Variants in SLC35F3 observed in about 807,000 individuals in gnomAD.
SLC35F3 encodes putative thiamine transporter SLC35F3.
In SLC35F3, 25 loss-of-function variants were observed where a neutral mutation model predicts 49.9. The ratio of observed to expected loss-of-function variants is 0.50; its 90% CI spans 0.37 to 0.70. The LOEUF (loss-of-function observed/expected upper bound fraction) is 0.70, where lower values mean the gene tolerates loss of function less well. Among genes scored for constraint, SLC35F3 ranks in the 30% least tolerant of loss-of-function variants. The probability of loss-of-function intolerance (pLI) is 0.00; values close to 1 mark genes in which losing one functional copy is unlikely to be tolerated. For missense variants in SLC35F3, 525 were observed against 639.8 expected (o/e 0.82, Z 1.94); for synonymous variants, 275 against 265.4 (o/e 1.04, Z -0.35).
chr1:233,936,692 C>T (rs997728035), intron 2 of SLC35F3, among the ~76,000 whole-genome samples: 27 of 151,708 alleles, frequency 1.8e-4, no homozygotes, highest in African/African-American at 6.5e-4. Flanking sequence ...ATCTCCTTCT[C>T]CTTCTTCTTT....
At chr1:234,014,842 G>C (rs776250541) in intron 2 of SLC35F3, among the ~76,000 whole-genome samples, 1 of 152,122 alleles carries the variant, frequency 6.6e-6, no homozygotes, top group Non-Finnish European at 1.5e-5. Context: ...CAAGTAAATG[G>C]AAAGGTATTC....
chr1:234,316,497 C>T, intron 4 of SLC35F3, 105 bp from the exon 5 acceptor site: 1 of 1,408,776 alleles, frequency 7.1e-7, no homozygotes, highest in Non-Finnish European at 9.5e-7. Flanking sequence ...CCACTTTCCC[C>T]TCACGTGGCT....
At chr1:234,108,764 T>TATATATCTTTTATATATAAAAG (rs1558231872) in intron 2 of SLC35F3, among the ~76,000 whole-genome samples, 5 of 74,946 alleles carry the variant, frequency 6.7e-5, no homozygotes, top group Non-Finnish European at 1.7e-4. Flanking sequence ...TATATATAAA[T>TATATATCTTTTATATATAAAAG]ATATATATCT....
intron 2 of SLC35F3, among the ~76,000 whole-genome samples, chr1:233,964,274 A>G (rs529859486): frequency 6.6e-6 from 1 of 152,164 alleles, no homozygotes; most frequent in Non-Finnish European, 1.5e-5. Context: ...AGAGGGGTAG[A>G]TGTGAGGCGT....
At chr1:234,102,106 C>A (rs1346474408) in intron 2 of SLC35F3, among the ~76,000 whole-genome samples, 1 of 152,216 alleles carries the variant, frequency 6.6e-6, no homozygotes, top group African/African-American at 2.4e-5. Flanking sequence ...AGTATCACTA[C>A]CCATGGTCAC....
chr1:234,243,856 T>C (rs1438419938), intron 3 of SLC35F3, among the ~76,000 whole-genome samples: 2 of 152,182 alleles, frequency 1.3e-5, no homozygotes, highest in Non-Finnish European at 2.9e-5. Context: ...GCTAAGTGAC[T>C]TCCCTCCAAA....
rs573301230 is a variant in SLC35F3 at position 234,181,352 on chromosome 1, A to G, written c.284-50065A>G. 1.6e-3 allele frequency among the ~76,000 whole-genome samples: 249 copies of G among 151,246 alleles called. 4 individuals are homozygous for G. The highest frequency in any genetic ancestry group is 1.5e-3 in the South Asian group (7 of 4,804). ...CTCTGTCTCAAGAAAAAAAAAAAAAAAAAGAAAGAAAGAAAAAGAAAAGAA... is the reference window on the plus strand; with the variant it reads ...CTCTGTCTCAAGAAAAAAAAAAAAAGAAAGAAAGAAAGAAAAAGAAAAGAA... On this transcript the variant is annotated intron_variant, in intron 2 of 7. Coordinates refer to ENST00000366618, the MANE Select transcript of SLC35F3 (RefSeq NM_173508.4).
chr1:233,940,395 GAT>G (rs374700551), intron 2 of SLC35F3, among the ~76,000 whole-genome samples: 3 of 140,592 alleles, frequency 2.1e-5, no homozygotes, highest in Non-Finnish European at 4.7e-5. Flanking sequence ...GAGAGAGAGA[GAT>G]AGGAATAAAA....
chr1:234,209,044 C>T (rs1667014304), intron 2 of SLC35F3, among the ~76,000 whole-genome samples: 1 of 152,136 alleles, frequency 6.6e-6, no homozygotes, highest in African/African-American at 2.4e-5. Context: ...TTCCTTTTCC[C>T]AGCTCCTGTA....
chr1:234,227,392 C>CTTTTTTTTTTTTTTT (rs369277069), intron 2 of SLC35F3, among the ~76,000 whole-genome samples: 1 of 108,668 alleles, frequency 9.2e-6, no homozygotes, highest in Non-Finnish European at 2.0e-5. Context: ...CTCTTTCTTT[C>CTTTTTTTTTTTTTTT]TTTTTTTTTT....
intron 2 of SLC35F3, among the ~76,000 whole-genome samples, chr1:234,197,108 A>G (rs1666825772): frequency 6.6e-6 from 1 of 152,228 alleles, no homozygotes; most frequent in Non-Finnish European, 1.5e-5. Flanking sequence ...AGTTAGGGAA[A>G]TGAAAAATTA....
At position 234,320,292 on chromosome 1, in the gene SLC35F3, A is replaced by G; in HGVS notation, c.1237+105A>G. The G allele has an allele frequency of 1.3e-6, 1 of 761,564 alleles. No individual in the cohort carries two copies. Among genetic ancestry groups the G allele is most frequent in the Middle Eastern group, 2.3e-4 (1 of 4,386 alleles). 47.2% of individuals were successfully genotyped at this position (761,564 alleles called of 1,614,324 possible). A position where few individuals can be genotyped will look rare whatever the true frequency, so the allele number is the denominator to read the frequency against. On this transcript the variant is annotated intron_variant, in intron 7 of 7. Transcript: ENST00000366618. The surrounding 1 kb of genome is among the most constrained non-coding windows in gnomAD (Gnocchi z 4.8). ...TGCATACATACACACTCACACATACACTCACATACACACACTCATGCATAC... is the reference window on the plus strand; with the variant it reads ...TGCATACATACACACTCACACATACGCTCACATACACACACTCATGCATAC...
At chr1:234,156,249 A>C (rs1183272539) in intron 2 of SLC35F3, among the ~76,000 whole-genome samples, 1 of 152,186 alleles carries the variant, frequency 6.6e-6, no homozygotes, top group African/African-American at 2.4e-5. Context: ...TAATACTCGG[A>C]GTCTGGGAGA....
intron 2 of SLC35F3, among the ~76,000 whole-genome samples, chr1:234,146,770 T>G (rs560909347): frequency 6.6e-6 from 1 of 152,300 alleles, no homozygotes; most frequent in East Asian, 1.9e-4. Flanking sequence ...CGCCTCGGCC[T>G]CCCAAAGTGC....
chr1:233,953,706 A>T (rs1000760419), intron 2 of SLC35F3, among the ~76,000 whole-genome samples: 1 of 152,212 alleles, frequency 6.6e-6, no homozygotes, highest in Non-Finnish European at 1.5e-5. Context: ...ACGCACATCC[A>T]TGAAGTGTCG....
intron 2 of SLC35F3, among the ~76,000 whole-genome samples, chr1:234,063,984 G>T (rs1664580780): frequency 6.6e-6 from 1 of 152,124 alleles, no homozygotes; most frequent in Non-Finnish European, 1.5e-5. Context: ...AACTGCACCT[G>T]GAATGAAATC....
chr1:233,937,395 A>G (rs1662351777), intron 2 of SLC35F3, among the ~76,000 whole-genome samples: 1 of 152,254 alleles, frequency 6.6e-6, no homozygotes, highest in Admixed American at 6.5e-5. Flanking sequence ...TTTGTTTTAA[A>G]GTCAAGAGAA....
intron 2 of SLC35F3, among the ~76,000 whole-genome samples, chr1:234,126,468 C>G (rs1665648915): frequency 1.3e-5 from 1 of 75,336 alleles, no homozygotes; most frequent in Non-Finnish European, 2.9e-5. Flanking sequence ...TGATCTGCCC[C>G]TGTTTTACAT....
At chr1:233,997,343 A>G (rs1349462699) in intron 2 of SLC35F3, among the ~76,000 whole-genome samples, 1 of 152,172 alleles carries the variant, frequency 6.6e-6, no homozygotes, top group African/African-American at 2.4e-5. Context: ...TCTCCATAAT[A>G]GCTGTACCAA....
Sources: allele counts gnomAD v4.1 joint callset (sites outside exome capture counted in the v4.1 genomes callset), GRCh38; gene constraint gnomAD v4.1.1; non-coding constraint Gnocchi (gnomAD v3.1); transcripts MANE v1.5; gene names NCBI Gene and HGNC (gene_info 2026-07-23, HGNC 2026-07-21).